COL21A1: variants seen among roughly 807,000 people sequenced by gnomAD.
COL21A1 encodes collagen alpha-1(XXI) chain.
In COL21A1, 149 loss-of-function variants were observed where a neutral mutation model predicts 137.9. That is an observed-to-expected ratio of 1.08 (90% CI 0.95 to 1.24). The LOEUF is 1.24. COL21A1 is among the 50% of genes most tolerant of loss of function. The pLI, the probability that COL21A1 is intolerant of heterozygous loss-of-function variation, is 0.00. For synonymous variants in COL21A1, 456 were observed against 391.5 expected, an observed-to-expected ratio of 1.16 and a Z score of -1.95; for missense variants, 1,167 against 1,158.4, an observed-to-expected ratio of 1.01 and a Z score of -0.11.
chr6:56,332,321 G>C (rs1441494866), intron 1 of COL21A1, among the ~76,000 whole-genome samples: 1 of 151,926 alleles, frequency 6.6e-6, no homozygotes, highest in African/African-American at 2.4e-5. Flanking sequence ...TCTTTAATCA[G>C]TGTTTTGTAG....
intron 1 of COL21A1, among the ~76,000 whole-genome samples, chr6:56,336,222 C>G (rs1367780475): frequency 6.6e-6 from 1 of 152,166 alleles, no homozygotes; most frequent in Non-Finnish European, 1.5e-5. Context: ...TGGGGCACAG[C>G]TATCTGTTTT....
chr6:56,070,274 C>T (rs1355339407), intron 21 of COL21A1, among the ~76,000 whole-genome samples: 2 of 151,488 alleles, frequency 1.3e-5, no homozygotes, highest in Non-Finnish European at 3.0e-5. Flanking sequence ...TCAAATCATT[C>T]TCTAGATTTT....
In COL21A1 at chr6:56,156,887, A is replaced by G; in HGVS notation, c.1434T>C (p.Pro478=). 6.2e-7 allele frequency: 1 copy of G among 1,610,898 alleles called. No homozygotes were observed. Among genetic ancestry groups the G allele is most frequent in the Non-Finnish European group, 8.5e-7 (1 of 1,178,294 alleles). ...YPGQPGQDGK[P]GYQGIAGTPG... ...AGATGACTAAGCTTTCAGTACTCAC[A>G]GGCTTACCATCTTGACCAGGTTGTC... is the stretch of plus-strand genomic sequence containing the variant. Residue 478 remains proline (P), a splice_region_variant and synonymous_variant, in exon 10 of 30, where the codon CCT becomes CCC. Transcript: ENST00000244728.
At chr6:56,291,820 CG>C (rs1322518279) in intron 1 of COL21A1, among the ~76,000 whole-genome samples, 1 of 152,176 alleles carries the variant, frequency 6.6e-6, no homozygotes, top group African/African-American at 2.4e-5. Context: ...AATCACAATT[CG>C]TTCCCTAATG....
chr6:56,173,837 A>T (rs960389401), intron 3 of COL21A1, among the ~76,000 whole-genome samples: 23 of 152,188 alleles, frequency 1.5e-4, no homozygotes, highest in African/African-American at 5.5e-4. Flanking sequence ...ACTATAGACC[A>T]AATGAACCTA....
intron 17 of COL21A1, among the ~76,000 whole-genome samples, chr6:56,095,457 C>T (rs542676207): frequency 6.6e-6 from 1 of 152,286 alleles, no homozygotes; most frequent in South Asian, 2.1e-4. Flanking sequence ...GGTGACAGAG[C>T]TCACTAACTG....
chr6:56,274,762 A>T (rs928250360), intron 1 of COL21A1, among the ~76,000 whole-genome samples: 2 of 152,178 alleles, frequency 1.3e-5, no homozygotes, highest in African/African-American at 4.8e-5. Context: ...CCTATGGATT[A>T]AAAAATCAGT....
rs771777156 is a variant in COL21A1, at chr6:56,170,919, C to A, written c.809+41G>T. The stretch of plus-strand genomic sequence containing the variant: ...AAAGAATTCTTGACATGTCCACAGA[C>A]ATATCCCCCCAAAAAAGTTGTGTCA... On this transcript the variant is annotated intron_variant, in intron 4 of 29. Transcript: ENST00000244728. The A allele has an allele frequency of 2.5e-6, 4 of 1,591,236 alleles. No homozygotes were observed. The East Asian group carries it at 6.7e-5, about 27-fold the overall frequency.
intron 1 of COL21A1, among the ~76,000 whole-genome samples, chr6:56,270,339 A>G (rs1329008086): frequency 6.6e-6 from 1 of 152,244 alleles, no homozygotes; most frequent in East Asian, 1.9e-4. Context: ...TACATGACAC[A>G]AAAGATCCAA....
chr6:56,343,777 C>T (rs767120534), intron 1 of COL21A1, among the ~76,000 whole-genome samples: 5 of 151,830 alleles, frequency 3.3e-5, no homozygotes, highest in African/African-American at 9.7e-5. Flanking sequence ...CCTGTTTGTA[C>T]AAAAAAAATT....
intron 1 of COL21A1, among the ~76,000 whole-genome samples, chr6:56,208,553 G>A (rs1023312906): frequency 6.6e-6 from 1 of 152,192 alleles, no homozygotes; most frequent in African/African-American, 2.4e-5. Context: ...AACATTCCAT[G>A]CTCATGGATA....
At chr6:56,231,068 G>A (rs548868077) in intron 1 of COL21A1, 1 of 151,736 alleles carries the variant, frequency 6.6e-6, no homozygotes, top group Non-Finnish European at 1.5e-5. Context: ...CACCTCACAT[G>A]GTACAATCTT....
At chr6:56,200,193 G>C (rs1779289772) in intron 1 of COL21A1, among the ~76,000 whole-genome samples, 1 of 152,140 alleles carries the variant, frequency 6.6e-6, no homozygotes, top group Non-Finnish European at 1.5e-5. Context: ...GAATGACAGG[G>C]ACTAAAGTAA....
intron 20 of COL21A1, among the ~76,000 whole-genome samples, chr6:56,072,720 C>G (rs1364259921): frequency 6.6e-6 from 1 of 151,488 alleles, no homozygotes; most frequent in Non-Finnish European, 1.5e-5. Context: ...ACAACAGAGA[C>G]TTGTATGGCT....
chr6:56,301,338 C>G (rs1000540708), intron 1 of COL21A1, among the ~76,000 whole-genome samples: 2 of 152,076 alleles, frequency 1.3e-5, no homozygotes, highest in African/African-American at 2.4e-5. Context: ...AAGAAGACAC[C>G]ACAAGCCAAG....
intron 1 of COL21A1, among the ~76,000 whole-genome samples, chr6:56,337,855 G>C (rs894795600): frequency 1.3e-5 from 2 of 151,936 alleles, no homozygotes; most frequent in African/African-American, 4.8e-5. Flanking sequence ...AGACCAGATC[G>C]ATTTTAAAAA....
intron 1 of COL21A1, among the ~76,000 whole-genome samples, chr6:56,246,198 C>A (rs563532736): frequency 6.6e-6 from 1 of 152,248 alleles, no homozygotes; most frequent in African/African-American, 2.4e-5. Context: ...CTTAAACCCT[C>A]AACTACTTTA....
At chr6:56,127,781 G>A (rs1373238329) in intron 12 of COL21A1, among the ~76,000 whole-genome samples, 4 of 152,176 alleles carry the variant, frequency 2.6e-5, no homozygotes, top group Non-Finnish European at 5.9e-5. Flanking sequence ...TGGGAGGGTA[G>A]GGATGGTAGG....
At chr6:56,180,439 T>G (rs1259248761) in intron 2 of COL21A1, among the ~76,000 whole-genome samples, 2 of 152,244 alleles carry the variant, frequency 1.3e-5, no homozygotes, top group Non-Finnish European at 2.9e-5. Flanking sequence ...AACTCTTGCA[T>G]TATATCCAAG....
Sources: gnomAD v4.1 joint callset for allele counts (sites outside exome capture counted in the v4.1 genomes callset) on GRCh38, gnomAD v4.1.1 for gene constraint, MANE v1.5 for transcripts, NCBI Gene and HGNC (gene_info 2026-07-23, HGNC 2026-07-21) for gene names.